N4BP1: variants seen among roughly 807,000 people sequenced by gnomAD.
The protein encoded by N4BP1 is NEDD4-binding protein 1.
N4BP1 carries 21 observed loss-of-function variants against 70.9 expected under a neutral mutation model. That is an observed-to-expected ratio of 0.30 (90% CI 0.21 to 0.43). N4BP1 has a LOEUF of 0.43. Ranked by LOEUF, N4BP1 falls within the 20% of genes least tolerant of loss-of-function variation. The pLI is 1.00. For synonymous variants in N4BP1, 387 were observed against 394.6 expected, an observed-to-expected ratio of 0.98 and a Z score of 0.23; for missense variants, 936 against 1,069.4, an observed-to-expected ratio of 0.88 and a Z score of 1.74.
At chr16:48,582,741 G>T (rs994702174) in intron 1 of N4BP1, among the ~76,000 whole-genome samples, 2 of 152,130 alleles carry the variant, frequency 1.3e-5, no homozygotes, top group Admixed American at 1.3e-4. Context: ...CAAGGTTTTA[G>T]GTATCTACTG....
In N4BP1 at chr16:48,609,922, C is replaced by T. The variant is rs1448874373; in HGVS notation, c.51G>A (p.Ala17=). 7.7e-6 allele frequency: 11 copies of T among 1,436,710 alleles called. No individual in the cohort carries two copies. The highest frequency in any genetic ancestry group is 3.0e-5 in the East Asian group (1 of 32,826). The allele number at this position is 1,436,710 out of a possible 1,614,324, so 89.0% of individuals were successfully genotyped here. A position where few individuals can be genotyped will look rare whatever the true frequency, so the allele number is the denominator to read the frequency against. ...GGCCGCGGCTCTGCTCCAGCAGCTCCGCCTTCTCAGCTGGCGCAGTGAACT... is the reference window on the plus strand; with the variant it reads ...GGCCGCGGCTCTGCTCCAGCAGCTCTGCCTTCTCAGCTGGCGCAGTGAACT... ...LDEFTAPAEK[A]ELLEQSRGRI... Residue 17 remains alanine (A), a synonymous_variant, in exon 1 of 7, where the codon GCG becomes GCA. Transcript: ENST00000262384.
chr16:48,561,527 T>C lies in N4BP1; in HGVS notation c.1116A>G (p.Gly372=). 1 of 1,613,796 alleles carries C rather than the reference T, an allele frequency of 6.2e-7. No individual in the cohort carries two copies. Among genetic ancestry groups the C allele is most frequent in the Non-Finnish European group, 8.5e-7 (1 of 1,179,812 alleles). ...AGAGCAATAATGGTTCAGTAGATGG[T>C]CCATACACCTTAATGACCTTTTCAA... ...EIVEKVIKVY[G]PSTEPLLLLE... is the part of the protein sequence containing the mutation. The change falls in exon 2 of 7, where the codon GGA becomes GGG. Residue 372 remains glycine, a synonymous_variant. Coordinates refer to ENST00000262384, the MANE Select transcript of N4BP1 (RefSeq NM_153029.4).
chr16:48,556,242 C>CA (rs1963752418), intron 2 of N4BP1, among the ~76,000 whole-genome samples: 1 of 152,070 alleles, frequency 6.6e-6, no homozygotes, highest in Non-Finnish European at 1.5e-5. Context: ...CAAATTTACC[C>CA]AAAAAATAAA....
At chr16:48,577,199 C>A (rs1247441236) in intron 1 of N4BP1, among the ~76,000 whole-genome samples, 1 of 152,128 alleles carries the variant, frequency 6.6e-6, no homozygotes, top group Non-Finnish European at 1.5e-5. Flanking sequence ...AAAGTCTCCT[C>A]CTTTGTATTC....
At chr16:48,593,396 G>T (rs971644552) in intron 1 of N4BP1, among the ~76,000 whole-genome samples, 1 of 152,198 alleles carries the variant, frequency 6.6e-6, no homozygotes, top group East Asian at 1.9e-4. Context: ...TTTTAAGAAG[G>T]CATGGGAATA....
At chr16:48,593,774 C>A (rs1315225841) in intron 1 of N4BP1, among the ~76,000 whole-genome samples, 1 of 152,062 alleles carries the variant, frequency 6.6e-6, no homozygotes, top group Middle Eastern at 3.2e-3. Flanking sequence ...CTTTGGGAAG[C>A]CGAGGCAGGC....
At chr16:48,583,259 G>C (rs1439282003) in intron 1 of N4BP1, among the ~76,000 whole-genome samples, 1 of 152,134 alleles carries the variant, frequency 6.6e-6, no homozygotes, top group Non-Finnish European at 1.5e-5. Flanking sequence ...CCTGGTATTT[G>C]CAACATCATA....
intron 2 of N4BP1, among the ~76,000 whole-genome samples, chr16:48,557,100 ATGG>A (rs1467663130): frequency 1.3e-5 from 2 of 152,284 alleles, no homozygotes; most frequent in African/African-American, 4.8e-5. Context: ...GGAGGTTTTC[ATGG>A]TGGTATGGGC....
intron 1 of N4BP1, among the ~76,000 whole-genome samples, chr16:48,563,345 A>C (rs1776724459): frequency 6.6e-6 from 1 of 151,732 alleles, no homozygotes; most frequent in African/African-American, 2.4e-5. Flanking sequence ...AAAGAGCGGG[A>C]CCCTATCTCT....
chr16:48,550,580 G>C (rs548700261), intron 4 of N4BP1, among the ~76,000 whole-genome samples: 1 of 152,190 alleles, frequency 6.6e-6, no homozygotes, highest in African/African-American at 2.4e-5. Context: ...ACTAGTACCT[G>C]CTTCCTGAGT....
intron 1 of N4BP1, among the ~76,000 whole-genome samples, chr16:48,569,137 T>C (rs1383750840): frequency 6.6e-6 from 1 of 152,250 alleles, no homozygotes; most frequent in Non-Finnish European, 1.5e-5. Flanking sequence ...AACATCTATG[T>C]CATCTCAGCA....
At chr16:48,600,685 T>C (rs1284551131) in intron 1 of N4BP1, 5 of 445,164 alleles carry the variant, frequency 1.1e-5, no homozygotes, top group Non-Finnish European at 2.2e-5. Context: ...TATGTACATT[T>C]GAAAATGCCC....
chr16:48,605,351 C>T (rs576134526), intron 1 of N4BP1, among the ~76,000 whole-genome samples: 24 of 152,270 alleles, frequency 1.6e-4, no homozygotes, highest in Admixed American at 9.2e-4. Context: ...AATTCTAACT[C>T]GTCTCACCCC....
intron 4 of N4BP1, among the ~76,000 whole-genome samples, chr16:48,548,588 T>G (rs1963621366): frequency 1.3e-5 from 2 of 152,192 alleles, no homozygotes; most frequent in Non-Finnish European, 2.9e-5. Context: ...GGCTCACGCC[T>G]GTAATCCCAA....
rs567026702 is a variant in N4BP1 at position 48,592,326 on chromosome 16, T to C, written c.198+17449A>G. ...CATTGCACCGTTTTCTCCAACAGCA[T>C]TTCCCTTTTGAAAATCCAGGATGCA... is the stretch of plus-strand genomic sequence containing the variant. On this transcript the variant is annotated intron_variant, in intron 1 of 6. Transcript: ENST00000262384. Among the ~76,000 whole-genome samples, 92 of 152,342 alleles carry C rather than the reference T, an allele frequency of 6.0e-4. 1 individual carries two copies. In the South Asian group the frequency reaches 0.019, roughly 31 times the overall value.
chr16:48,600,408 T>A (rs1964477576), intron 1 of N4BP1: 2 of 682,234 alleles, frequency 2.9e-6, no homozygotes, highest in Non-Finnish European at 5.4e-6. Flanking sequence ...CAAATACCAG[T>A]GAGAGCTATG....
chr16:48,543,242 T>C lies in N4BP1; in HGVS notation c.2353A>G (p.Ser785Gly), dbSNP rs751908308. Residue 785 changes from serine to glycine, a missense_variant, in exon 7 of 7, where the codon AGT (serine) becomes GGT (glycine). Transcript: ENST00000262384. ...AACATGCCCACATTTGGCAGGGCACTGAGTAGGGGCTGCATATCTCTGTGA... is the reference window on the plus strand; with the variant it reads ...AACATGCCCACATTTGGCAGGGCACCGAGTAGGGGCTGCATATCTCTGTGA... ...VCLRDMQPLL[S>G]ALPNVGMFDP... 3 of 1,538,988 alleles carry C rather than the reference T, an allele frequency of 1.9e-6. No homozygotes were observed. Among genetic ancestry groups the C allele is most frequent in the South Asian group, 2.5e-5 (2 of 78,626 alleles).
chr16:48,573,524 C>T lies in N4BP1; in HGVS notation c.199-11080G>A, dbSNP rs187586729. ...AGGAGAATCACTTGAACCTGGGAGG[C>T]GGAGGTTGCAGTGAGCTGAGATCAT... On this transcript the variant is annotated intron_variant, in intron 1 of 6. Coordinates refer to ENST00000262384, the MANE Select transcript of N4BP1 (RefSeq NM_153029.4). 2.5e-3 allele frequency among the ~76,000 whole-genome samples: 373 copies of T among 152,088 alleles called. 1 individual carries two copies. The highest frequency in any genetic ancestry group is 2.8e-3 in the Non-Finnish European group (192 of 67,984).
In N4BP1 at chr16:48,565,259, C is replaced by A. The variant is rs758694376; in HGVS notation, c.199-2815G>T. On this transcript the variant is annotated intron_variant, in intron 1 of 6. Transcript: ENST00000262384. ...AATGATCTACAGGGAAGCACTCAAT[C>A]TTTCTCACCATTAAGAATGATGTAA... 6.6e-5 allele frequency among the ~76,000 whole-genome samples: 10 copies of A among 152,186 alleles called. No homozygotes were observed. The South Asian group carries it at 1.4e-3, about 22-fold the overall frequency.
Sources: gnomAD v4.1 joint callset for allele counts (sites outside exome capture counted in the v4.1 genomes callset) on GRCh38, gnomAD v4.1.1 for gene constraint, MANE v1.5 for transcripts, NCBI Gene and HGNC (gene_info 2026-07-23, HGNC 2026-07-21) for gene names.